KIAA0825: variants seen among roughly 807,000 people sequenced by gnomAD.
The protein encoded by KIAA0825 is KIAA0825, also known as uncharacterized protein KIAA0825.
Under a neutral mutation model 147.6 loss-of-function variants are expected in KIAA0825, and 119 were observed. The ratio of observed to expected loss-of-function variants is 0.81; its 90% CI spans 0.69 to 0.94. The LOEUF (loss-of-function observed/expected upper bound fraction) is 0.94. KIAA0825 is among the 40% of genes least tolerant of loss of function. The pLI is 0.00. For missense variants in KIAA0825, 1,381 were observed against 1,472.7 expected, an observed-to-expected ratio of 0.94 and a Z score of 1.02; for synonymous variants, 470 against 518.1, an observed-to-expected ratio of 0.91 and a Z score of 1.26.
At chr5:94,401,005 A>G (rs533562660) in intron 16 of KIAA0825, among the ~76,000 whole-genome samples, 1 of 152,118 alleles carries the variant, frequency 6.6e-6, no homozygotes, top group Non-Finnish European at 1.5e-5. Context: ...ACCTTTAAAC[A>G]TTTATAATTA....
chr5:94,490,757 T>C (rs1015823195), intron 5 of KIAA0825, among the ~76,000 whole-genome samples: 1 of 152,076 alleles, frequency 6.6e-6, no homozygotes, highest in Admixed American at 6.5e-5. Flanking sequence ...ATATCACACG[T>C]AAAGAATATA....
At chr5:94,265,617 G>A (rs1318946456) in intron 20 of KIAA0825, among the ~76,000 whole-genome samples, 1 of 152,116 alleles carries the variant, frequency 6.6e-6, no homozygotes, top group African/African-American at 2.4e-5. Flanking sequence ...TGGCCAACAT[G>A]GTGAAACCCT....
chr5:94,302,426 T>C (rs1778471548), intron 20 of KIAA0825, among the ~76,000 whole-genome samples: 1 of 152,120 alleles, frequency 6.6e-6, no homozygotes, highest in South Asian at 2.1e-4. Flanking sequence ...TAAACCCCTG[T>C]CAAGGTTTGA....
chr5:94,503,075 TATATATATATATG>T (rs144049489), intron 5 of KIAA0825, among the ~76,000 whole-genome samples: 2,351 of 143,314 alleles, frequency 0.016, 66 homozygotes, highest in East Asian at 0.068. Context: ...CAAAAAAAAA[TATATATATATATG>T]ATATATATAT....
intron 20 of KIAA0825, among the ~76,000 whole-genome samples, chr5:94,279,963 AAG>A (rs1286881500): frequency 6.6e-6 from 1 of 152,086 alleles, no homozygotes; most frequent in Non-Finnish European, 1.5e-5. Flanking sequence ...TTCAGGCCGA[AAG>A]GACAGCATGA....
chr5:94,211,141 G>A (rs1477446333), intron 20 of KIAA0825, among the ~76,000 whole-genome samples: 1 of 152,106 alleles, frequency 6.6e-6, no homozygotes, highest in African/African-American at 2.4e-5. Flanking sequence ...TTAGTCCAGA[G>A]ATGTCTCAAG....
At chr5:94,268,273 A>G (rs1189845988) in intron 20 of KIAA0825, among the ~76,000 whole-genome samples, 4 of 152,094 alleles carry the variant, frequency 2.6e-5, no homozygotes, top group Non-Finnish European at 4.4e-5. Context: ...GGAAGTCTGA[A>G]TGACAATACT....
chr5:94,394,972 C>T (rs1271299669), intron 17 of KIAA0825, among the ~76,000 whole-genome samples: 1 of 152,146 alleles, frequency 6.6e-6, no homozygotes, highest in Non-Finnish European at 1.5e-5. Flanking sequence ...TATAGATTAA[C>T]ATAGACAAGT....
chr5:94,576,118 G>T (rs903491476), intron 2 of KIAA0825, among the ~76,000 whole-genome samples: 20 of 152,146 alleles, frequency 1.3e-4, no homozygotes, highest in Admixed American at 3.3e-4. Flanking sequence ...ATAGTGCTCA[G>T]ATGTCACACT....
chr5:94,532,200 C>T (rs1448110322), intron 3 of KIAA0825, among the ~76,000 whole-genome samples: 3 of 151,836 alleles, frequency 2.0e-5, no homozygotes, highest in East Asian at 1.9e-4. Flanking sequence ...CAGGCGGTAG[C>T]GCAGTGGTGC....
At chr5:94,508,124 G>A (rs894602991) in intron 5 of KIAA0825, among the ~76,000 whole-genome samples, 5 of 149,358 alleles carry the variant, frequency 3.3e-5, no homozygotes, top group African/African-American at 1.3e-4. Flanking sequence ...GTCTCACTGT[G>A]GTATGCAATT....
In KIAA0825 at chr5:94,446,724, C is replaced by T. The variant is rs77155364; in HGVS notation, c.2357+6235G>A. ...GTTTTTTGTACATATTTAAGGATAA[C>T]GGTGAATTCATGGAAGGTAAGCCAT... On this transcript the variant is annotated intron_variant, in intron 13 of 20. Transcript: ENST00000682413. Among the ~76,000 whole-genome samples, 451 of 152,116 alleles carry T rather than the reference C, an allele frequency of 3.0e-3. 3 individuals carry two copies. Among genetic ancestry groups the T allele is most frequent in the Non-Finnish European group, 4.7e-3 (321 of 68,000 alleles).
chr5:94,518,922 C>G (rs1000076110), intron 5 of KIAA0825, among the ~76,000 whole-genome samples: 1 of 151,774 alleles, frequency 6.6e-6, no homozygotes, highest in Non-Finnish European at 1.5e-5. Context: ...ATAAAACTTT[C>G]GTATTGAAAA....
intron 20 of KIAA0825, among the ~76,000 whole-genome samples, chr5:94,263,058 C>T (rs1776576809): frequency 1.3e-5 from 2 of 152,074 alleles, no homozygotes; most frequent in African/African-American, 4.8e-5. Flanking sequence ...CATTGCTGAG[C>T]TATACATACT....
In KIAA0825 at chr5:94,372,621, G is replaced by C. The variant is rs533258408; in HGVS notation, c.3710+11747C>G. ...CCATGTCCCAGGGCTGCACAGAGGAGGGGGGCCCTGGGCCCAGGCCACAAA... is the reference window on the plus strand; with the variant it reads ...CCATGTCCCAGGGCTGCACAGAGGACGGGGGCCCTGGGCCCAGGCCACAAA... On this transcript the variant is annotated intron_variant, in intron 20 of 20. Coordinates refer to ENST00000682413, the MANE Select transcript of KIAA0825 (RefSeq NM_001145678.3). Among the ~76,000 whole-genome samples the C allele has an allele frequency of 1.4e-4, 21 of 152,304 alleles. 1 individual carries two copies. In the South Asian group the frequency reaches 4.3e-3, roughly 32 times the overall value.
intron 2 of KIAA0825, chr5:94,567,990 T>A (rs1779051621): frequency 6.2e-6 from 1 of 160,262 alleles, no homozygotes. Context: ...ACCACCCTGT[T>A]CGCAGCAGTC....
intron 20 of KIAA0825, among the ~76,000 whole-genome samples, chr5:94,341,694 C>T (rs1562395148): frequency 6.6e-6 from 1 of 151,296 alleles, no homozygotes; most frequent in Non-Finnish European, 1.5e-5. Flanking sequence ...GAAGAGAGGT[C>T]AATGAAAAGT....
chr5:94,549,126 A>G (rs1024744707), intron 2 of KIAA0825, among the ~76,000 whole-genome samples: 1 of 152,186 alleles, frequency 6.6e-6, no homozygotes, highest in South Asian at 2.1e-4. Flanking sequence ...TGGCTGAAGA[A>G]TACATTTTTT....
In KIAA0825 at chr5:94,520,331, T is replaced by C; in HGVS notation, c.887A>G (p.Glu296Gly). 6.2e-7 allele frequency: 1 copy of C among 1,613,536 alleles called. No homozygotes were observed. The highest frequency in any genetic ancestry group is 1.1e-5 in the South Asian group (1 of 91,068). The change falls in exon 5 of 21, where the codon GAG becomes GGG. Residue 296 changes from glutamate to glycine, a missense_variant. Glu to Gly is a moderately conservative substitution (Grantham distance 98, BLOSUM62 -2). Coordinates refer to ENST00000682413, the MANE Select transcript of KIAA0825 (RefSeq NM_001145678.3). Reference protein sequence around the residue: ...EMAKFLENFCELQFRENAVRV... With the variant: ...EMAKFLENFCGLQFRENAVRV... Reference sequence around the variant, plus strand: ...AACAGCATTTTCTCTGAACTGCAGCTCACAAAAATTTTCAAGAAATTTTGC... The same window carrying C: ...AACAGCATTTTCTCTGAACTGCAGCCCACAAAAATTTTCAAGAAATTTTGC...
Sources: allele counts gnomAD v4.1 joint callset (sites outside exome capture counted in the v4.1 genomes callset), GRCh38; gene constraint gnomAD v4.1.1; transcripts MANE v1.5; gene names NCBI Gene and HGNC (gene_info 2026-07-23, HGNC 2026-07-21).